Variants in LCLAT1 observed in about 807,000 individuals in gnomAD.
The protein encoded by LCLAT1 is lysocardiolipin acyltransferase 1, also known as 1-AGP acyltransferase 8.
In LCLAT1, 11 loss-of-function variants were observed where a neutral mutation model predicts 30.7. The ratio of observed to expected loss-of-function variants is 0.36; its 90% CI spans 0.23 to 0.59. The LOEUF is 0.59. Among genes scored for constraint, LCLAT1 ranks in the 20% least tolerant of loss-of-function variants. LCLAT1 has a pLI of 0.77. For synonymous variants in LCLAT1, 155 were observed against 151.3 expected (o/e 1.02, Z -0.18); for missense variants, 402 against 458.6 (o/e 0.88, Z 1.13).
At chr2:30,626,541 T>A (rs936362067) in intron 5 of LCLAT1, among the ~76,000 whole-genome samples, 2 of 152,216 alleles carry the variant, frequency 1.3e-5, no homozygotes, top group Non-Finnish European at 2.9e-5. Flanking sequence ...TAAATACTTA[T>A]GCTTTTTCCC....
chr2:30,533,422 G>A (rs1384039013), intron 3 of LCLAT1, 108 bp downstream of exon 3: 27 of 862,538 alleles, frequency 3.1e-5, no homozygotes, highest in Non-Finnish European at 5.0e-5. Context: ...TCCTCACTGG[G>A]CCAAAAACAA....
intron 5 of LCLAT1, among the ~76,000 whole-genome samples, chr2:30,593,679 T>TAAGA (rs950271486): frequency 7.9e-5 from 12 of 152,336 alleles, no homozygotes; most frequent in South Asian, 4.1e-4. Flanking sequence ...ATACTTGAAG[T>TAAGA]AAGAAAGATT....
chr2:30,595,976 C>T (rs915434472), intron 5 of LCLAT1, among the ~76,000 whole-genome samples: 11 of 152,158 alleles, frequency 7.2e-5, no homozygotes, highest in Non-Finnish European at 1.3e-4. Context: ...TGATCTCACT[C>T]CTGTTGATGA....
Position 30,525,768 on chromosome 2 carries a change from C to A in LCLAT1, c.165+13C>A. On this transcript the variant is annotated intron_variant, in intron 2 of 5. Transcript: ENST00000379509. The stretch of plus-strand genomic sequence containing the variant: ...CACCCTACCTGTGGTAAGTTACACA[C>A]CAGAGGAGACTGTCTGCTTGTACTA... The A allele has an allele frequency of 1.2e-6, 2 of 1,613,430 alleles. No homozygotes were observed. The highest frequency in any genetic ancestry group is 1.7e-6 in the Non-Finnish European group (2 of 1,179,476).
At chr2:30,502,864 G>A (rs1684466348) in intron 1 of LCLAT1, among the ~76,000 whole-genome samples, 1 of 152,164 alleles carries the variant, frequency 6.6e-6, no homozygotes, top group Non-Finnish European at 1.5e-5. Context: ...CTTAACCCAG[G>A]AGAATTCTTG....
At chr2:30,599,400 A>G (rs545386726) in intron 5 of LCLAT1, among the ~76,000 whole-genome samples, 3 of 152,334 alleles carry the variant, frequency 2.0e-5, no homozygotes, top group South Asian at 4.1e-4. Context: ...TATGTGGTCT[A>G]TTTTAGAGCA....
At chr2:30,507,849 G>A (rs138893575) in intron 1 of LCLAT1, among the ~76,000 whole-genome samples, 66 of 152,062 alleles carry the variant, frequency 4.3e-4, no homozygotes, top group African/African-American at 1.4e-3. Context: ...TGGGTTTTTA[G>A]GTCTTTGCAG....
At chr2:30,607,063 A>G (rs1054766510) in intron 5 of LCLAT1, 6 of 152,252 alleles carry the variant, frequency 3.9e-5, no homozygotes, top group South Asian at 2.1e-4. Context: ...CCAAATGGCA[A>G]TTATTTAAAA....
intron 4 of LCLAT1, among the ~76,000 whole-genome samples, chr2:30,564,873 AT>A (rs1665404709): frequency 6.6e-6 from 1 of 152,068 alleles, no homozygotes; most frequent in African/African-American, 2.4e-5. Flanking sequence ...CTATCTTCAT[AT>A]TTTATTGTTG....
At chr2:30,488,892 G>A (rs1377138422) in intron 1 of LCLAT1, among the ~76,000 whole-genome samples, 1 of 152,202 alleles carries the variant, frequency 6.6e-6, no homozygotes, top group Admixed American at 6.5e-5. Context: ...CAGTTACCTT[G>A]CCCATAAGGA....
intron 5 of LCLAT1, chr2:30,607,383 C>G (rs559900483): frequency 1.3e-5 from 2 of 152,070 alleles, no homozygotes; most frequent in African/African-American, 4.8e-5. Flanking sequence ...TGTAAGAATT[C>G]CTTTGGGATA....
At chr2:30,611,383 T>C (rs1667732288) in intron 5 of LCLAT1, among the ~76,000 whole-genome samples, 2 of 152,120 alleles carry the variant, frequency 1.3e-5, no homozygotes. Flanking sequence ...TGTGTGTGTA[T>C]ACACTCACAC....
At chr2:30,566,176 C>T (rs1393224834) in intron 4 of LCLAT1, among the ~76,000 whole-genome samples, 1 of 152,124 alleles carries the variant, frequency 6.6e-6, no homozygotes, top group Non-Finnish European at 1.5e-5. Context: ...TATTTCTGAT[C>T]ATTTTTACCG....
At chr2:30,457,863 A>C (rs963485565) in intron 1 of LCLAT1, among the ~76,000 whole-genome samples, 16 of 152,158 alleles carry the variant, frequency 1.1e-4, no homozygotes. Context: ...GTTACTTCCT[A>C]TAAAAAGGAA....
At chr2:30,575,833 G>A (rs1378399803) in intron 5 of LCLAT1, among the ~76,000 whole-genome samples, 3 of 152,078 alleles carry the variant, frequency 2.0e-5, no homozygotes, top group Non-Finnish European at 4.4e-5. Flanking sequence ...TAAACAGATA[G>A]TTATTGCAAC....
chr2:30,482,406 G>A (rs565967657), intron 1 of LCLAT1, among the ~76,000 whole-genome samples: 16 of 152,158 alleles, frequency 1.1e-4, no homozygotes, highest in Middle Eastern at 3.4e-3. Context: ...AAGCAGATAG[G>A]AATTATTTGA....
chr2:30,612,224 C>T (rs564112434), intron 5 of LCLAT1, among the ~76,000 whole-genome samples: 2 of 152,250 alleles, frequency 1.3e-5, no homozygotes, highest in East Asian at 3.9e-4. Context: ...CAGGGGATTG[C>T]ATTCCAGAAT....
In LCLAT1 at chr2:30,590,850, G is replaced by A. The variant is rs938330187; in HGVS notation, c.628+22674G>A. ...TAAATATCATTAAAATAAATACTAA[G>A]TACTAATAACCAGCAAAGAAATGCC... On this transcript the variant is annotated intron_variant, in intron 5 of 5. Transcript: ENST00000379509. Among the ~76,000 whole-genome samples the A allele has an allele frequency of 2.6e-5, 4 of 152,096 alleles. No individual in the cohort carries two copies. In the South Asian group the frequency reaches 8.3e-4, roughly 32 times the overall value.
At chr2:30,637,640 C>G (rs995719277) in intron 5 of LCLAT1, among the ~76,000 whole-genome samples, 1 of 152,110 alleles carries the variant, frequency 6.6e-6, no homozygotes, top group Non-Finnish European at 1.5e-5. Flanking sequence ...TGCATTGGCA[C>G]GATCTCAGCT....
Sources: gnomAD v4.1 joint callset for allele counts (sites outside exome capture counted in the v4.1 genomes callset) on GRCh38, gnomAD v4.1.1 for gene constraint, MANE v1.5 for transcripts, NCBI Gene and HGNC (gene_info 2026-07-23, HGNC 2026-07-21) for gene names.